Variants in NFKB1 observed in about 807,000 individuals in gnomAD.
The protein encoded by NFKB1 is nuclear factor NF-kappa-B p105 subunit.
A neutral mutation model predicts 105.1 loss-of-function variants in NFKB1; 9 were observed. The ratio of observed to expected loss-of-function variants is 0.09; its 90% CI spans 0.05 to 0.15. The LOEUF (loss-of-function observed/expected upper bound fraction) is 0.15. Ranked by LOEUF, NFKB1 falls within the 10% of genes least tolerant of loss-of-function variation. The pLI is 1.00. For synonymous variants in NFKB1, 440 were observed against 442.2 expected (o/e 1.00, Z 0.06); for missense variants, 830 against 1,203.7 (o/e 0.69, Z 4.59).
intron 7 of NFKB1, 67 bp from the exon 8 acceptor site, chr4:102,578,814 T>C: frequency 6.5e-7 from 1 of 1,527,506 alleles, no homozygotes; most frequent in Non-Finnish European, 8.9e-7. Context: ...TTGGGCTTTA[T>C]AAAAGCATGG....
intron 15 of NFKB1, among the ~76,000 whole-genome samples, chr4:102,598,906 A>G (rs987599556): frequency 6.6e-6 from 1 of 152,230 alleles, no homozygotes; most frequent in African/African-American, 2.4e-5. Flanking sequence ...CGGCTCTCAG[A>G]GAGGCCACAG....
rs535422114 is a variant in NFKB1 at position 102,543,746 on chromosome 4, C to G, written c.258+5790C>G. On this transcript the variant is annotated intron_variant, in intron 5 of 23. Transcript: ENST00000226574. ...CATATCCTTGCATAATCTCCCTTTCCTTTGTATAGACTTGTCTGATTCACG... is the reference window on the plus strand; with the variant it reads ...CATATCCTTGCATAATCTCCCTTTCGTTTGTATAGACTTGTCTGATTCACG... 5.3e-5 allele frequency among the ~76,000 whole-genome samples: 8 copies of G among 152,206 alleles called. No homozygotes were observed. In the South Asian group the frequency reaches 1.7e-3, roughly 32 times the overall value.
rs762219174 is a variant in NFKB1 at position 102,597,500 on chromosome 4, T to C, written c.1496-20T>C. 1.3e-6 allele frequency: 2 copies of C among 1,596,954 alleles called. No individual in the cohort carries two copies. Among genetic ancestry groups the C allele is most frequent in the Non-Finnish European group, 1.7e-6 (2 of 1,168,856 alleles). On this transcript the variant is annotated intron_variant, in intron 14 of 23. Transcript: ENST00000226574. Reference sequence around the variant, plus strand: ...CAAAAGTAGGAACACTCAACTATGATTGTGGTCATTGCCTTACAGATAACC... The same window carrying C: ...CAAAAGTAGGAACACTCAACTATGACTGTGGTCATTGCCTTACAGATAACC...
At chr4:102,594,771 TG>T in intron 12 of NFKB1, 120 bp from the exon 13 acceptor site, 1 of 589,768 alleles carries the variant, frequency 1.7e-6, no homozygotes. Flanking sequence ...AAACCATGTG[TG>T]GGCACAATAC....
At chr4:102,568,513 C>T (rs4648016) in intron 6 of NFKB1, among the ~76,000 whole-genome samples, 3,491 of 152,176 alleles carry the variant, frequency 0.023, 66 homozygotes, top group African/African-American at 0.059. Context: ...TGATTGATCA[C>T]TTAGTGTTTC....
chr4:102,604,843 A>T lies in NFKB1; in HGVS notation c.1753-1653A>T, dbSNP rs575063453. On this transcript the variant is annotated intron_variant, in intron 16 of 23. Coordinates refer to ENST00000226574, the MANE Select transcript of NFKB1 (RefSeq NM_003998.4). ...ACATTTGTATATTTGGCTTTCCAGA[A>T]TGTCTGTGTAAGTCCCCATGCCCAC... Among the ~76,000 whole-genome samples, 15 of 152,124 alleles carry T rather than the reference A, an allele frequency of 9.9e-5. No individual in the cohort carries two copies. The South Asian group carries it at 3.1e-3, about 32-fold the overall frequency.
rs230526 is a variant in NFKB1 at position 102,537,668 on chromosome 4, A to G, written c.160-190A>G. ...AGCCATATCTTAGTGTACAAATATCAATTAATACCATTTTTCGTAGTAAGA... is the reference window on the plus strand; with the variant it reads ...AGCCATATCTTAGTGTACAAATATCGATTAATACCATTTTTCGTAGTAAGA... On this transcript the variant is annotated intron_variant, in intron 4 of 23. Transcript: ENST00000226574. 281,430 of 467,118 alleles carry G rather than the reference A, an allele frequency of 0.6. 86,015 individuals are homozygous for G. The highest frequency in any genetic ancestry group is 0.71 in the South Asian group (27,106 of 38,366). The allele number at this position is 467,118 out of a possible 1,614,324, so 28.9% of individuals were successfully genotyped here.
At chr4:102,520,426 G>T (rs748871988) in intron 1 of NFKB1, among the ~76,000 whole-genome samples, 2 of 152,138 alleles carry the variant, frequency 1.3e-5, no homozygotes, top group Non-Finnish European at 2.9e-5. Context: ...GCTGAATGTT[G>T]TATATGTATC....
chr4:102,579,139 C>A (rs1725112368), intron 8 of NFKB1, 100 bp downstream of exon 8: 8 of 1,188,412 alleles, frequency 6.7e-6, no homozygotes, highest in African/African-American at 1.5e-5. Context: ...GTAACTTAAT[C>A]ACTTTAAGCC....
At chr4:102,502,359 C>T (rs1167772442) in intron 1 of NFKB1, among the ~76,000 whole-genome samples, 3 of 144,412 alleles carry the variant, frequency 2.1e-5, no homozygotes, top group Non-Finnish European at 3.0e-5. Flanking sequence ...CTCTCTCTCC[C>T]CCCTCCCCCC....
chr4:102,516,873 C>A (rs530396922), intron 1 of NFKB1, among the ~76,000 whole-genome samples: 1 of 152,086 alleles, frequency 6.6e-6, no homozygotes, highest in Non-Finnish European at 1.5e-5. Flanking sequence ...TTTAGAGTAG[C>A]CCTTATTTTA....
chr4:102,541,420 T>A (rs575531089), intron 5 of NFKB1, among the ~76,000 whole-genome samples: 21 of 152,342 alleles, frequency 1.4e-4, no homozygotes, highest in African/African-American at 5.0e-4. Flanking sequence ...TCTGTATAAT[T>A]TCTGTTAGAA....
At chr4:102,531,382 G>T (rs1315487254) in intron 3 of NFKB1, among the ~76,000 whole-genome samples, 1 of 152,046 alleles carries the variant, frequency 6.6e-6, no homozygotes, top group Non-Finnish European at 1.5e-5. Flanking sequence ...CCTCTTCATT[G>T]CAGTGTCATA....
intron 18 of NFKB1, 109 bp downstream of exon 18, chr4:102,607,428 A>G: frequency 1.6e-6 from 2 of 1,283,936 alleles, no homozygotes; most frequent in Non-Finnish European, 1.1e-6. Flanking sequence ...AATCAGCTCT[A>G]TTTGTTTAAC....
Position 102,501,564 on chromosome 4 carries a change from C to G in NFKB1, c.-232C>G, listed in dbSNP as rs1156674183. 1.4e-5 allele frequency: 2 copies of G among 146,846 alleles called. No homozygotes were observed. The highest frequency in any genetic ancestry group is 3.0e-5 in the Non-Finnish European group (2 of 66,052). The allele number at this position is 146,846 out of a possible 1,614,324, so 9.1% of individuals were successfully genotyped here. On this transcript the variant is annotated 5_prime_UTR_variant, in exon 1 of 24. Transcript: ENST00000226574. ...CGGCCAGTAAGGCGGCGCCGCCGCC[C>G]GGCCACCGCGCGCCCTGCGCTTCCC...
At chr4:102,558,726 A>G (rs1331843995) in intron 5 of NFKB1, among the ~76,000 whole-genome samples, 1 of 152,024 alleles carries the variant, frequency 6.6e-6, no homozygotes, top group Non-Finnish European at 1.5e-5. Context: ...TCATAGCCCA[A>G]TGCCACCTTG....
intron 3 of NFKB1, among the ~76,000 whole-genome samples, chr4:102,532,962 C>T (rs1741395408): frequency 6.6e-6 from 1 of 152,060 alleles, no homozygotes; most frequent in African/African-American, 2.4e-5. Flanking sequence ...GTCAGAGATT[C>T]TGATTTTCCT....
At chr4:102,529,646 A>G (rs1289161023) in intron 2 of NFKB1, among the ~76,000 whole-genome samples, 190 bp from the exon 3 acceptor site, 1 of 152,124 alleles carries the variant, frequency 6.6e-6, no homozygotes, top group Non-Finnish European at 1.5e-5. Flanking sequence ...CCCTATGTAA[A>G]GTTTTGTACA....
intron 1 of NFKB1, among the ~76,000 whole-genome samples, chr4:102,504,771 T>C (rs1739321099): frequency 6.6e-6 from 1 of 152,204 alleles, no homozygotes; most frequent in Admixed American, 6.5e-5. Flanking sequence ...ATTTTGTCAC[T>C]ACTTTGGAGA....
Sources: gnomAD v4.1 joint callset for allele counts (sites outside exome capture counted in the v4.1 genomes callset) on GRCh38, gnomAD v4.1.1 for gene constraint, MANE v1.5 for transcripts, NCBI Gene and HGNC (gene_info 2026-07-23, HGNC 2026-07-21) for gene names.